DEPDC5: variants seen among roughly 807,000 people sequenced by gnomAD.
DEPDC5 encodes the protein DEP domain containing 5, GATOR1 subcomplex subunit.
In DEPDC5, 73 loss-of-function variants were observed where a neutral mutation model predicts 217.3. The observed-to-expected ratio is 0.34, with a 90% CI of 0.28 to 0.41. DEPDC5 has a LOEUF of 0.41. DEPDC5 is among the 10% of genes least tolerant of loss of function. The pLI, the probability that DEPDC5 is intolerant of heterozygous loss-of-function variation, is 1.00. For synonymous variants in DEPDC5, 733 were observed against 756.7 expected (o/e 0.97, Z 0.51); for missense variants, 1,675 against 2,070.1 (o/e 0.81, Z 3.70).
rs755739307 is a variant in DEPDC5, at chr22:31,814,973, T to G, written c.1446-19T>G. On this transcript the variant is annotated intron_variant, in intron 20 of 42. Coordinates refer to ENST00000651528, the MANE Select transcript of DEPDC5 (RefSeq NM_001242896.3). The stretch of plus-strand genomic sequence containing the variant: ...AGCATCCCTCGCTTGATGGTAACTT[T>G]TTGTCTCTTGCCTGGCAGATCTGTG... 2 of 1,613,568 alleles carry G rather than the reference T, an allele frequency of 1.2e-6. No homozygotes were observed. Among genetic ancestry groups the G allele is most frequent in the Non-Finnish European group, 1.7e-6 (2 of 1,179,712 alleles).
At chr22:31,788,779 T>C (rs920283317) in intron 10 of DEPDC5, among the ~76,000 whole-genome samples, 7 of 152,066 alleles carry the variant, frequency 4.6e-5, no homozygotes, top group African/African-American at 9.7e-5. Context: ...TTTCACCATG[T>C]TGGCCAGGGT....
intron 38 of DEPDC5, among the ~76,000 whole-genome samples, chr22:31,887,715 T>A (rs1399882344): frequency 6.6e-6 from 1 of 152,182 alleles, no homozygotes; most frequent in African/African-American, 2.4e-5. Context: ...GGGTTTCTTT[T>A]CCTTTTAAAC....
chr22:31,762,460 G>A (rs569646254), intron 4 of DEPDC5, among the ~76,000 whole-genome samples: 1 of 152,080 alleles, frequency 6.6e-6, no homozygotes, highest in Non-Finnish European at 1.5e-5. Flanking sequence ...CAAAATTCTG[G>A]GTTGCTCTAA....
intron 10 of DEPDC5, among the ~76,000 whole-genome samples, chr22:31,789,359 G>A (rs2085375305): frequency 6.6e-6 from 1 of 152,050 alleles, no homozygotes. Context: ...TTGAACACAT[G>A]TTAAGTGAGA....
chr22:31,819,685 G>T (rs752405521), intron 22 of DEPDC5, among the ~76,000 whole-genome samples: 8 of 152,008 alleles, frequency 5.3e-5, no homozygotes, highest in Non-Finnish European at 1.0e-4. Context: ...GCCTAGGCTG[G>T]TCTTGAACTC....
chr22:31,896,730 A>G (rs562442496), intron 39 of DEPDC5, among the ~76,000 whole-genome samples: 1 of 152,316 alleles, frequency 6.6e-6, no homozygotes, highest in East Asian at 1.9e-4. Flanking sequence ...TACCATTATC[A>G]GAAGCCACTG....
At chr22:31,892,570 G>A (rs921471432) in intron 38 of DEPDC5, among the ~76,000 whole-genome samples, 1 of 152,206 alleles carries the variant, frequency 6.6e-6, no homozygotes, top group African/African-American at 2.4e-5. Context: ...TGTAATCCCA[G>A]CTACTTGGGA....
At chr22:31,873,194 T>C (rs2092898738) in intron 34 of DEPDC5, 61 bp from the exon 35 acceptor site, 2 of 1,612,702 alleles carry the variant, frequency 1.2e-6, no homozygotes, top group South Asian at 2.2e-5. Context: ...GTTCCTAATA[T>C]TCGTGCTCTT....
chr22:31,790,747 C>CTTT (rs558878199), intron 10 of DEPDC5, among the ~76,000 whole-genome samples: 31 of 128,202 alleles, frequency 2.4e-4, no homozygotes, highest in African/African-American at 4.7e-4. Context: ...TTTTTTTTTT[C>CTTT]TTTTTTTTTT....
chr22:31,828,583 A>G (rs2090346401), intron 24 of DEPDC5, among the ~76,000 whole-genome samples: 2 of 151,414 alleles, frequency 1.3e-5, no homozygotes, highest in African/African-American at 4.9e-5. Flanking sequence ...TTTCTTTCTT[A>G]TAACCTTCTT....
intron 37 of DEPDC5, 98 bp from the exon 38 acceptor site, chr22:31,879,427 C>T: frequency 1.7e-6 from 2 of 1,154,952 alleles, no homozygotes; most frequent in Non-Finnish European, 2.5e-6. Context: ...GCTTCTTTTA[C>T]TTAGCGTGTT....
intron 33 of DEPDC5, among the ~76,000 whole-genome samples, chr22:31,866,753 C>G (rs1227469194): frequency 1.3e-5 from 2 of 152,172 alleles, no homozygotes; most frequent in Non-Finnish European, 2.9e-5. Context: ...TAGAATGTCC[C>G]CAAATCTGGG....
chr22:31,758,304 G>A (rs1401615876), intron 2 of DEPDC5, among the ~76,000 whole-genome samples: 1 of 152,150 alleles, frequency 6.6e-6, no homozygotes, highest in Non-Finnish European at 1.5e-5. Context: ...GAAGCAGTGC[G>A]GTAGTAGAAA....
intron 7 of DEPDC5, among the ~76,000 whole-genome samples, chr22:31,771,081 G>T (rs892479301): frequency 6.6e-6 from 1 of 152,070 alleles, no homozygotes; most frequent in South Asian, 2.1e-4. Flanking sequence ...ACCGCACGCG[G>T]CCCCCATCAA....
At chr22:31,793,458 TC>T (rs1171416582) in intron 12 of DEPDC5, among the ~76,000 whole-genome samples, 1 of 152,098 alleles carries the variant, frequency 6.6e-6, no homozygotes, top group Non-Finnish European at 1.5e-5. Flanking sequence ...TCTGTTTTTT[TC>T]AGTGCCATTG....
intron 6 of DEPDC5, among the ~76,000 whole-genome samples, chr22:31,766,956 C>T (rs983669472): frequency 6.6e-6 from 1 of 152,070 alleles, no homozygotes; most frequent in Non-Finnish European, 1.5e-5. Flanking sequence ...CCCATTTGCT[C>T]CTCACATCTC....
chr22:31,755,000 A>G (rs2075197802), intron 2 of DEPDC5, 21 bp downstream of exon 2: 4 of 1,613,954 alleles, frequency 2.5e-6, no homozygotes, highest in African/African-American at 1.3e-5. Context: ...ATTGGTCTTT[A>G]GAGGTTTTGT....
At chr22:31,790,545 G>A (rs1439678758) in intron 10 of DEPDC5, among the ~76,000 whole-genome samples, 1 of 152,130 alleles carries the variant, frequency 6.6e-6, no homozygotes, top group Non-Finnish European at 1.5e-5. Context: ...GACTAGTAGG[G>A]TGTGGGAGTG....
At position 31,822,789 on chromosome 22, in the gene DEPDC5, A is replaced by G. The variant is rs755421452; in HGVS notation, c.2103A>G (p.Ala701=). The change falls in exon 24 of 43, where the codon GCA becomes GCG. Residue 701 remains alanine (A), a splice_region_variant and synonymous_variant. Transcript: ENST00000651528. ...TCGGCCTGCTTAGCAACAGTGGTGC[A>G]GGTAACCAATCCAAGAGGTAATAGA... The part of the protein sequence containing the change: ...LSVGLLSNSG[A]GMNPRTQNKD... The G allele has an allele frequency of 6.2e-6, 10 of 1,613,810 alleles. No homozygotes were observed. The South Asian group carries it at 9.9e-5, about 16-fold the overall frequency.
Sources: allele counts gnomAD v4.1 joint callset (sites outside exome capture counted in the v4.1 genomes callset), GRCh38; gene constraint gnomAD v4.1.1; transcripts MANE v1.5; gene names NCBI Gene and HGNC (gene_info 2026-07-23, HGNC 2026-07-21).